The following TANGO2 variants were observed in gnomAD, a reference collection of about 807,000 sequenced individuals.
TANGO2 encodes transport and Golgi organization protein 2 homolog.
TANGO2 carries 26 observed loss-of-function variants against 39.1 expected under a neutral mutation model. The ratio of observed to expected loss-of-function variants is 0.67; its 90% CI spans 0.49 to 0.92. TANGO2 has a LOEUF of 0.92. Ranked by LOEUF, TANGO2 falls within the 40% of genes least tolerant of loss-of-function variation. The pLI, the probability that TANGO2 is intolerant of heterozygous loss-of-function variation, is 0.00. For synonymous variants in TANGO2, 131 were observed against 144.5 expected (o/e 0.91, Z 0.67); for missense variants, 326 against 360.1 (o/e 0.91, Z 0.77).
Position 20,055,979 on chromosome 22 carries a change from C to CCGAGGGGAGCCTGATCCTAT in TANGO2, c.420_439dup (p.Val147GlufsTer9). ...GAGACGTCATTTGCTACTATGGGAACCGAGGGGAGCCTGATCCTATCGTTT... is the reference window on the plus strand; with the variant it reads ...GAGACGTCATTTGCTACTATGGGAACCGAGGGGAGCCTGATCCTATCGAGGGGAGCCTGATCCTATCGTTT... On this transcript the variant is annotated frameshift_variant, in exon 6 of 9. Coordinates refer to ENST00000327374, the MANE Select transcript of TANGO2 (RefSeq NM_152906.7). LOFTEE classifies it high-confidence loss of function. 6.2e-7 allele frequency: 1 copy of CCGAGGGGAGCCTGATCCTAT among 1,614,144 alleles called. No homozygotes were observed.
At chr22:20,032,392 G>A (rs1158198874) in intron 1 of TANGO2, among the ~76,000 whole-genome samples, 1 of 152,250 alleles carries the variant, frequency 6.6e-6, no homozygotes, top group Non-Finnish European at 1.5e-5. Context: ...GCAGAGACTG[G>A]GCGTGGCTTC....
At chr22:20,038,333 AG>A (rs2043245084) in intron 2 of TANGO2, among the ~76,000 whole-genome samples, 1 of 152,192 alleles carries the variant, frequency 6.6e-6, no homozygotes, top group South Asian at 2.1e-4. Flanking sequence ...TAGTTACGGC[AG>A]CCCCAGGAAA....
intron 3 of TANGO2, chr22:20,048,020 G>C (rs2045584584): frequency 6.6e-6 from 1 of 151,952 alleles, no homozygotes; most frequent in Non-Finnish European, 1.5e-5. Context: ...CACCTCCCAG[G>C]TTCAAGCAAT....
intron 4 of TANGO2, among the ~76,000 whole-genome samples, 164 bp downstream of exon 4, chr22:20,052,748 C>T (rs933321019): frequency 1.6e-4 from 25 of 151,870 alleles, no homozygotes; most frequent in African/African-American, 5.1e-4. Flanking sequence ...TGGGATGGGG[C>T]AGGGCTGAGG....
intron 1 of TANGO2, among the ~76,000 whole-genome samples, chr22:20,024,372 C>T (rs772469155): frequency 7.9e-5 from 12 of 152,186 alleles, no homozygotes; most frequent in East Asian, 5.8e-4. Flanking sequence ...CCGTGAACAG[C>T]GACACTGTGT....
chr22:20,020,065 A>G (rs905818076), upstream of TANGO2, among the ~76,000 whole-genome samples: 2 of 152,242 alleles, frequency 1.3e-5, no homozygotes, highest in African/African-American at 4.8e-5. Flanking sequence ...GCAGGGCATC[A>G]GGGCACCTAG....
chr22:20,036,881 C>T lies in TANGO2; in HGVS notation c.56+27C>T, dbSNP rs140115581. 7,184 of 1,614,244 alleles carry T rather than the reference C, an allele frequency of 4.5e-3. 26 individuals carry two copies. The highest frequency in any genetic ancestry group is 5.7e-3 in the Non-Finnish European group (6,670 of 1,180,038). On this transcript the variant is annotated intron_variant, in intron 2 of 8. Transcript: ENST00000327374. Reference sequence around the variant, plus strand: ...TAACCCCCTCGCTCTGCATCTGCTGCGCCCTGCAGGGTCCTGGGTGCCCAG... The same window carrying T: ...TAACCCCCTCGCTCTGCATCTGCTGTGCCCTGCAGGGTCCTGGGTGCCCAG...
intron 7 of TANGO2, among the ~76,000 whole-genome samples, chr22:20,062,703 A>G (rs1369668376): frequency 6.9e-6 from 1 of 145,830 alleles, no homozygotes; most frequent in Non-Finnish European, 1.5e-5. Flanking sequence ...TCTGTCACAG[A>G]GGCAAATGCC....
At chr22:20,054,322 C>T (rs141754363) in intron 5 of TANGO2, 1 of 156,632 alleles carries the variant, frequency 6.4e-6, no homozygotes, top group East Asian at 1.9e-4. Flanking sequence ...AGCCGTTCTT[C>T]CTGCCCATGC....
intron 3 of TANGO2, among the ~76,000 whole-genome samples, chr22:20,043,792 T>C (rs2044491043): frequency 6.6e-6 from 1 of 152,166 alleles, no homozygotes; most frequent in South Asian, 2.1e-4. Flanking sequence ...AACCCAGTCA[T>C]ATGAGTGTGT....
chr22:20,055,730 G>A, intron 5 of TANGO2: 1 of 605,416 alleles, frequency 1.7e-6, no homozygotes, highest in Non-Finnish European at 3.0e-6. Flanking sequence ...AGGTGAGCTG[G>A]GAACATACCC....
Position 20,057,329 on chromosome 22 carries a change from G to A in TANGO2, c.451+1316G>A, listed in dbSNP as rs775640885. On this transcript the variant is annotated intron_variant, in intron 6 of 8. Transcript: ENST00000327374. This position sits in a 1 kb window ranked among gnomAD's most constrained non-coding sequence, Gnocchi z 4.1. Reference sequence around the variant, plus strand: ...GATGTTTCATCCACAGATAGGCCCAGCCCCCATTTGCTAGGGTGGTGCCCA... The same window carrying A: ...GATGTTTCATCCACAGATAGGCCCAACCCCCATTTGCTAGGGTGGTGCCCA... Among the ~76,000 whole-genome samples, 4 of 152,150 alleles carry A rather than the reference G, an allele frequency of 2.6e-5. No individual in the cohort carries two copies. Among genetic ancestry groups the A allele is most frequent in the Admixed American group, 6.5e-5 (1 of 15,278 alleles).
At chr22:20,044,127 C>A (rs919655192) in intron 3 of TANGO2, among the ~76,000 whole-genome samples, 2 of 152,136 alleles carry the variant, frequency 1.3e-5, no homozygotes, top group Non-Finnish European at 2.9e-5. Flanking sequence ...GCGTACCAGG[C>A]GCCAAGTGGG....
At position 20,036,855 on chromosome 22, in the gene TANGO2, G is replaced by A. The variant is rs1428244618; in HGVS notation, c.56+1G>A. The A allele has an allele frequency of 6.2e-7, 1 of 1,614,092 alleles. No homozygotes were observed. The highest frequency in any genetic ancestry group is 1.3e-5 in the African/African-American group (1 of 74,926). ...GCCCTGTTTCCAAAAACGCGTACAG[G>A]TAACCCCCTCGCTCTGCATCTGCTG... is the stretch of plus-strand genomic sequence containing the variant. On this transcript the variant is annotated splice_donor_variant, in intron 2 of 8. Coordinates refer to ENST00000327374, the MANE Select transcript of TANGO2 (RefSeq NM_152906.7). LOFTEE classifies it high-confidence loss of function.
At chr22:20,059,569 A>G (rs1311882155) in intron 6 of TANGO2, among the ~76,000 whole-genome samples, 3 of 152,184 alleles carry the variant, frequency 2.0e-5, no homozygotes, top group African/African-American at 7.2e-5. Flanking sequence ...TTTTGATGAT[A>G]GCCACGATAG....
At chr22:20,038,578 T>C (rs1276242925) in intron 2 of TANGO2, among the ~76,000 whole-genome samples, 2 of 152,240 alleles carry the variant, frequency 1.3e-5, no homozygotes, top group African/African-American at 2.4e-5. Context: ...GGACCTGTCC[T>C]GCGGGTCCTG....
At chr22:20,017,466 C>A (rs1022418124), upstream of TANGO2, among the ~76,000 whole-genome samples, 3 of 152,042 alleles carry the variant, frequency 2.0e-5, no homozygotes, top group Non-Finnish European at 4.4e-5. Context: ...AGGAAGGGAC[C>A]CCCTCGGTAA....
At chr22:20,037,554 T>C (rs1423229432) in intron 2 of TANGO2, among the ~76,000 whole-genome samples, 1 of 152,134 alleles carries the variant, frequency 6.6e-6, no homozygotes, top group Non-Finnish European at 1.5e-5. Context: ...GGGTCTCAGA[T>C]TTGAGTCACT....
At position 20,055,927 on chromosome 22, in the gene TANGO2, TC is replaced by T; in HGVS notation, c.381-12del. The T allele has an allele frequency of 1.9e-6, 3 of 1,610,300 alleles. No individual in the cohort carries two copies. Among genetic ancestry groups the T allele is most frequent in the Non-Finnish European group, 2.5e-6 (3 of 1,176,762 alleles). On this transcript the variant is annotated splice_polypyrimidine_tract_variant and intron_variant, in intron 5 of 8. Coordinates refer to ENST00000327374, the MANE Select transcript of TANGO2 (RefSeq NM_152906.7). ...CCTATGGCTGTAGTCTGACATTCTC[TC>T]CCCTTGGCCTGCAGCACAGCAAAGG...
Sources: allele counts gnomAD v4.1 joint callset (sites outside exome capture counted in the v4.1 genomes callset), GRCh38; gene constraint gnomAD v4.1.1; non-coding constraint Gnocchi (gnomAD v3.1); transcripts MANE v1.5; gene names NCBI Gene and HGNC (gene_info 2026-07-23, HGNC 2026-07-21).